Variants in COL25A1 observed in about 807,000 individuals in gnomAD.
COL25A1 encodes collagen alpha-1(XXV) chain.
Under a neutral mutation model 128.4 loss-of-function variants are expected in COL25A1, and 103 were observed. The observed-to-expected ratio is 0.80, with a 90% confidence interval of 0.68 to 0.94. The LOEUF is 0.94. Ranked by LOEUF, COL25A1 falls within the 40% of genes least tolerant of loss-of-function variation. The pLI, the probability that COL25A1 is intolerant of heterozygous loss-of-function variation, is 0.00. For synonymous variants in COL25A1, 279 were observed against 277.2 expected (o/e 1.01, Z -0.06); for missense variants, 745 against 840.0 (o/e 0.89, Z 1.40).
chr4:108,889,585 G>A, intron 17 of COL25A1, 116 bp downstream of exon 17: 1 of 865,220 alleles, frequency 1.2e-6, no homozygotes, highest in Non-Finnish European at 1.9e-6. Context: ...GTTATTGTAG[G>A]AGAATAAGAA....
At chr4:109,139,844 C>A (rs907555248) in intron 3 of COL25A1, among the ~76,000 whole-genome samples, 7 of 149,932 alleles carry the variant, frequency 4.7e-5, no homozygotes, top group Non-Finnish European at 1.0e-4. Context: ...CCACAACAGG[C>A]CCCGGTGTGT....
chr4:109,112,267 A>G (rs140721378), intron 3 of COL25A1, among the ~76,000 whole-genome samples: 148 of 152,236 alleles, frequency 9.7e-4, no homozygotes, highest in East Asian at 9.3e-3. Context: ...CAACCACCCA[A>G]CATTCTGAGG....
At chr4:108,901,473 C>T (rs6819347) in intron 13 of COL25A1, among the ~76,000 whole-genome samples, 74,281 of 151,828 alleles carry the variant, frequency 0.49, 19,865 homozygotes, top group East Asian at 0.93. Flanking sequence ...TAAATATTTT[C>T]TGAATGAGTA....
chr4:108,873,089 T>C (rs571900931), intron 19 of COL25A1, among the ~76,000 whole-genome samples: 2 of 152,124 alleles, frequency 1.3e-5, no homozygotes, highest in South Asian at 4.1e-4. Context: ...GACTAGGTCT[T>C]GCTATGTTGC....
intron 3 of COL25A1, among the ~76,000 whole-genome samples, chr4:109,269,102 T>G (rs1277484475): frequency 3.3e-4 from 37 of 110,808 alleles, no homozygotes; most frequent in African/African-American, 1.3e-3. Context: ...CCCACAACAG[T>G]CCCCAGAGTG....
chr4:108,815,917 A>T (rs1560691407), intron 37 of COL25A1, among the ~76,000 whole-genome samples: 1 of 152,204 alleles, frequency 6.6e-6, no homozygotes, highest in African/African-American at 2.4e-5. Flanking sequence ...GGCTAAAGCA[A>T]GCCTATTGCA....
intron 19 of COL25A1, among the ~76,000 whole-genome samples, chr4:108,873,937 C>T (rs1739118340): frequency 6.6e-6 from 1 of 151,930 alleles, no homozygotes. Context: ...AAAAACCCAT[C>T]TTTTTGAAAA....
intron 3 of COL25A1, among the ~76,000 whole-genome samples, chr4:109,063,949 C>T (rs772837971): frequency 5.3e-5 from 8 of 152,152 alleles, no homozygotes; most frequent in South Asian, 4.2e-4. Flanking sequence ...GAGTCTCTTA[C>T]GGAACCTAAG....
chr4:109,244,015 G>A (rs28503704), intron 3 of COL25A1, among the ~76,000 whole-genome samples: 8,897 of 151,960 alleles, frequency 0.059, 539 homozygotes, highest in African/African-American at 0.16. Flanking sequence ...TCTACATAGA[G>A]GATTCTCAGA....
At chr4:109,104,142 G>GT (rs1226862973) in intron 3 of COL25A1, among the ~76,000 whole-genome samples, 1 of 152,132 alleles carries the variant, frequency 6.6e-6, no homozygotes, top group Non-Finnish European at 1.5e-5. Flanking sequence ...GGAAGCTGAG[G>GT]TGGGAGGATC....
At chr4:108,871,569 GC>G (rs1738716670) in intron 19 of COL25A1, among the ~76,000 whole-genome samples, 1 of 152,154 alleles carries the variant, frequency 6.6e-6, no homozygotes, top group South Asian at 2.1e-4. Context: ...GCCCGTCTCG[GC>G]CTCCCAAAGT....
intron 3 of COL25A1, among the ~76,000 whole-genome samples, chr4:109,102,177 C>A (rs908394166): frequency 6.6e-6 from 1 of 152,040 alleles, no homozygotes; most frequent in African/African-American, 2.4e-5. Flanking sequence ...TTTATGCATG[C>A]ATGCACATGT....
intron 20 of COL25A1, among the ~76,000 whole-genome samples, chr4:108,864,965 A>T (rs1737708426): frequency 6.6e-6 from 1 of 152,216 alleles, no homozygotes; most frequent in Non-Finnish European, 1.5e-5. Context: ...CTTTTGCATA[A>T]ATGTTTCAAA....
At chr4:108,886,488 G>GTTTT (rs1413657808) in intron 18 of COL25A1, among the ~76,000 whole-genome samples, 19 of 49,464 alleles carry the variant, frequency 3.8e-4, no homozygotes, top group Admixed American at 1.7e-3. Context: ...GTGTGTGTGT[G>GTTTT]TGTGTTTAGC....
intron 3 of COL25A1, among the ~76,000 whole-genome samples, chr4:109,109,116 G>C (rs1424509071): frequency 2.0e-5 from 3 of 152,002 alleles, no homozygotes. Flanking sequence ...TCTTTTGACA[G>C]AGACTTGCTC....
chr4:108,898,307 T>G (rs1041763139), intron 15 of COL25A1, among the ~76,000 whole-genome samples: 2 of 152,124 alleles, frequency 1.3e-5, no homozygotes, highest in African/African-American at 4.8e-5. Flanking sequence ...AAAAATACAG[T>G]TATAATTAAG....
At chr4:108,833,026 T>C (rs1418405928) in intron 31 of COL25A1, among the ~76,000 whole-genome samples, 1 of 79,218 alleles carries the variant, frequency 1.3e-5, no homozygotes, top group Non-Finnish European at 2.8e-5. Context: ...TGCCCCATAA[T>C]CTTAAGAAGA....
At chr4:108,838,319 A>T in intron 31 of COL25A1, 1 of 617,276 alleles carries the variant, frequency 1.6e-6, no homozygotes, top group Non-Finnish European at 2.8e-6. Context: ...TGCACGAAAC[A>T]TTAATTTTTA....
intron 8 of COL25A1, among the ~76,000 whole-genome samples, chr4:108,956,690 G>A (rs1750109822): frequency 6.6e-6 from 1 of 152,198 alleles, no homozygotes; most frequent in South Asian, 2.1e-4. Flanking sequence ...ACAGGCATGA[G>A]CCACCACACC....
Sources: allele counts gnomAD v4.1 joint callset (sites outside exome capture counted in the v4.1 genomes callset), GRCh38; gene constraint gnomAD v4.1.1; transcripts MANE v1.5; gene names NCBI Gene and HGNC (gene_info 2026-07-23, HGNC 2026-07-21).